The following NEMP1 variants were observed in gnomAD, a reference collection of about 807,000 sequenced individuals.
The protein encoded by NEMP1 is transmembrane protein 194.
Under a neutral mutation model 53.7 loss-of-function variants are expected in NEMP1, and 29 were observed. The observed-to-expected ratio is 0.54, with a 90% CI of 0.40 to 0.74. The LOEUF is 0.74. NEMP1 is among the 30% of genes least tolerant of loss of function. NEMP1 has a pLI of 0.00. For missense variants in NEMP1, 477 were observed against 528.6 expected, an observed-to-expected ratio of 0.90 and a Z score of 0.96; for synonymous variants, 193 against 192.9, an observed-to-expected ratio of 1.00 and a Z score of 0.00.
upstream of NEMP1, among the ~76,000 whole-genome samples, chr12:57,081,855 T>C (rs1007399965): frequency 4.2e-5 from 6 of 144,158 alleles, no homozygotes; most frequent in African/African-American, 1.3e-4. Context: ...TGCAGTGAGC[T>C]GAGATCGCTC....
chr12:57,067,122 G>A (rs745900053), intron 4 of NEMP1, among the ~76,000 whole-genome samples: 21 of 152,014 alleles, frequency 1.4e-4, no homozygotes, highest in Non-Finnish European at 2.5e-4. Context: ...TCAGGAGATC[G>A]AGACCATCCT....
intron 1 of NEMP1, among the ~76,000 whole-genome samples, chr12:57,075,682 T>G (rs973511267): frequency 1.4e-5 from 2 of 139,292 alleles, no homozygotes; most frequent in African/African-American, 5.4e-5. Context: ...GAAAAAAAAA[T>G]AAGGCCAGGC....
intron 2 of NEMP1, among the ~76,000 whole-genome samples, chr12:57,071,780 G>A (rs901450985): frequency 9.3e-5 from 14 of 151,348 alleles, no homozygotes; most frequent in Non-Finnish European, 1.5e-4. Flanking sequence ...AGCCGAGGTC[G>A]TGCCACTGCA....
chr12:57,061,943 G>A (rs561051009), intron 7 of NEMP1, among the ~76,000 whole-genome samples: 2 of 151,928 alleles, frequency 1.3e-5, no homozygotes, highest in African/African-American at 4.8e-5. Context: ...AGGTTGCGGT[G>A]AGCTGAGATA....
chr12:57,065,511 C>G (rs533808552), intron 4 of NEMP1, among the ~76,000 whole-genome samples: 68 of 149,110 alleles, frequency 4.6e-4, no homozygotes, highest in African/African-American at 1.7e-3. Flanking sequence ...TATATCAGTG[C>G]TTGGTTCATC....
chr12:57,088,466 CAGG>C (rs2033082006), upstream of NEMP1, among the ~76,000 whole-genome samples: 1 of 152,210 alleles, frequency 6.6e-6, no homozygotes, highest in Non-Finnish European at 1.5e-5. Flanking sequence ...GATGCACGCA[CAGG>C]AGAAGCCGCA....
At chr12:57,071,308 T>G (rs374626360) in intron 2 of NEMP1, among the ~76,000 whole-genome samples, 4 of 152,200 alleles carry the variant, frequency 2.6e-5, no homozygotes, top group Admixed American at 1.3e-4. Flanking sequence ...GTTCAATCCA[T>G]TGTCACAAGC....
intron 1 of NEMP1, among the ~76,000 whole-genome samples, chr12:57,087,163 C>A (rs1015540139): frequency 1.3e-5 from 2 of 152,224 alleles, no homozygotes; most frequent in African/African-American, 4.8e-5. Context: ...CTCCCTCCCC[C>A]TCTTTCCCGG....
chr12:57,078,582 G>A, intron 1 of NEMP1, 37 bp downstream of exon 1: 1 of 1,589,714 alleles, frequency 6.3e-7, no homozygotes, highest in South Asian at 1.1e-5. Context: ...AACCCCCTCG[G>A]CACCTGCCCC....
At chr12:57,082,124 G>A (rs908436832), upstream of NEMP1, among the ~76,000 whole-genome samples, 1 of 152,102 alleles carries the variant, frequency 6.6e-6, no homozygotes, top group East Asian at 1.9e-4. Flanking sequence ...GCTGAGGCAG[G>A]AGAATCACTT....
rs555315522 is a variant in NEMP1, at chr12:57,063,011, A to G, written c.980+108T>C. On this transcript the variant is annotated intron_variant, in intron 7 of 8. Coordinates refer to ENST00000300128, the MANE Select transcript of NEMP1 (RefSeq NM_001130963.2). ...ACAAAAGTGGAAGTACAATACAATG[A>G]CTTTTCATTAACAAAGAAGCTCCCA... The G allele has an allele frequency of 9.8e-6, 8 of 817,642 alleles. 2 individuals are homozygous for G. In the African/African-American group the frequency reaches 1.2e-4, roughly 12 times the overall value. The allele number at this position is 817,642 out of a possible 1,614,324, so 50.6% of individuals were successfully genotyped here.
chr12:57,068,083 T>C (rs1450480338), intron 4 of NEMP1, among the ~76,000 whole-genome samples: 1 of 152,056 alleles, frequency 6.6e-6, no homozygotes, highest in African/African-American at 2.4e-5. Flanking sequence ...CCATTCCAGA[T>C]TTTTTCTACC....
intron 1 of NEMP1, among the ~76,000 whole-genome samples, chr12:57,074,465 T>G (rs551715661): frequency 1.5e-4 from 23 of 152,026 alleles, no homozygotes; most frequent in African/African-American, 4.1e-4. Context: ...CTAACTTTTT[T>G]TGTGTGTGTG....
chr12:57,070,508 G>C (rs1443625970), intron 3 of NEMP1, among the ~76,000 whole-genome samples, 166 bp downstream of exon 3: 1 of 152,248 alleles, frequency 6.6e-6, no homozygotes, highest in African/African-American at 2.4e-5. Flanking sequence ...CTGTCTGATA[G>C]GGGTGAAGTC....
chr12:57,084,087 C>G (rs1474122221), intron 1 of NEMP1, among the ~76,000 whole-genome samples: 3 of 152,196 alleles, frequency 2.0e-5, no homozygotes, highest in Non-Finnish European at 4.4e-5. Context: ...CTCCACCTCC[C>G]GAGTAGCTGG....
intron 7 of NEMP1, 118 bp downstream of exon 7, chr12:57,063,001 C>T (rs191747911): frequency 1.4e-6 from 1 of 722,716 alleles, no homozygotes. Flanking sequence ...AGTGGAAGTA[C>T]AATACAATGA....
At chr12:57,083,896 C>T (rs2032916428) in intron 1 of NEMP1, among the ~76,000 whole-genome samples, 1 of 152,230 alleles carries the variant, frequency 6.6e-6, no homozygotes, top group African/African-American at 2.4e-5. Context: ...GCCTCCACCT[C>T]CCGAGTAGCT....
chr12:57,076,804 CA>C (rs745386326), intron 1 of NEMP1, among the ~76,000 whole-genome samples: 189 of 134,088 alleles, frequency 1.4e-3, no homozygotes, highest in Middle Eastern at 4.0e-3. Flanking sequence ...AACTCTGTCT[CA>C]AAAAAAAAAA....
chr12:57,069,199 G>A, intron 4 of NEMP1, 35 bp downstream of exon 4: 1 of 1,429,644 alleles, frequency 7.0e-7, no homozygotes, highest in Non-Finnish European at 9.5e-7. Flanking sequence ...ATAGGTATGA[G>A]CCGTTTCATT....
Sources: allele counts gnomAD v4.1 joint callset (sites outside exome capture counted in the v4.1 genomes callset), GRCh38; gene constraint gnomAD v4.1.1; transcripts MANE v1.5; gene names NCBI Gene and HGNC (gene_info 2026-07-23, HGNC 2026-07-21).